DCC: variants seen among roughly 807,000 people sequenced by gnomAD.
DCC encodes DCC netrin 1 receptor.
A neutral mutation model predicts 172.5 loss-of-function variants in DCC; 58 were observed. That is an observed-to-expected ratio of 0.34 (90% CI 0.27 to 0.42). The LOEUF is 0.42. DCC is among the 10% of genes least tolerant of loss of function. The pLI is 1.00. For synonymous variants in DCC, 709 were observed against 644.5 expected, an observed-to-expected ratio of 1.10 and a Z score of -1.52; for missense variants, 1,740 against 1,791.0, an observed-to-expected ratio of 0.97 and a Z score of 0.51.
chr18:53,113,326 A>C (rs2043362589), intron 7 of DCC, among the ~76,000 whole-genome samples: 1 of 151,478 alleles, frequency 6.6e-6, no homozygotes, highest in Non-Finnish European at 1.5e-5. Context: ...ATAATTTATT[A>C]ATTCGATTTC....
chr18:52,774,155 G>A (rs974992412), intron 2 of DCC, among the ~76,000 whole-genome samples: 2 of 152,180 alleles, frequency 1.3e-5, no homozygotes, highest in Admixed American at 6.5e-5. Context: ...CATCATCTGG[G>A]AACTTGTTAA....
chr18:53,384,235 A>G (rs1907975982), intron 15 of DCC, among the ~76,000 whole-genome samples: 1 of 152,164 alleles, frequency 6.6e-6, no homozygotes, highest in African/African-American at 2.4e-5. Flanking sequence ...TTTGTTGACT[A>G]TAAAACTTTG....
intron 15 of DCC, among the ~76,000 whole-genome samples, chr18:53,347,512 G>A (rs1403644620): frequency 4.6e-5 from 7 of 152,138 alleles, no homozygotes; most frequent in Admixed American, 4.6e-4. Context: ...ATAAAAATAA[G>A]ATGACTTCCT....
At chr18:52,637,265 T>C (rs2034800001) in intron 1 of DCC, among the ~76,000 whole-genome samples, 1 of 152,106 alleles carries the variant, frequency 6.6e-6, no homozygotes, top group East Asian at 1.9e-4. Context: ...AAGGCTCTTC[T>C]ACACCACCAA....
chr18:53,166,618 G>A lies in DCC; in HGVS notation c.1418+9106G>A, dbSNP rs187076327. Among the ~76,000 whole-genome samples the A allele has an allele frequency of 1.4e-4, 22 of 152,266 alleles. No homozygotes were observed. In the Middle Eastern group the frequency reaches 0.01, roughly 71 times the overall value. On this transcript the variant is annotated intron_variant, in intron 8 of 28. Coordinates refer to ENST00000442544, the MANE Select transcript of DCC (RefSeq NM_005215.4). ...TGCAGTTACAGTAGCCATTTGTTAC[G>A]TAACTAGTCTCAAGTGTGTATTAGA...
chr18:52,622,389 C>A lies in DCC; in HGVS notation c.92-129665C>A, dbSNP rs144613229. ...TTAAATCACAGATTTCTGGCCCATA[C>A]CCCAAATATTTTAGTTCGGTAGTCC... On this transcript the variant is annotated intron_variant, in intron 1 of 28. Transcript: ENST00000442544. Among the ~76,000 whole-genome samples the A allele has an allele frequency of 1.4e-3, 215 of 152,266 alleles. 1 individual carries two copies. The East Asian group carries it at 0.041, about 29-fold the overall frequency.
chr18:52,882,381 G>GTTAT (rs149251196), intron 2 of DCC, among the ~76,000 whole-genome samples: 2,603 of 151,070 alleles, frequency 0.017, 56 homozygotes, highest in African/African-American at 0.046. Context: ...GCATTATTAG[G>GTTAT]TTATTTGAAG....
At chr18:53,334,827 A>G (rs933164960) in intron 14 of DCC, among the ~76,000 whole-genome samples, 1 of 152,174 alleles carries the variant, frequency 6.6e-6, no homozygotes, top group African/African-American at 2.4e-5. Flanking sequence ...TTAAAAATGC[A>G]TTTATACATT....
chr18:52,854,913 C>A (rs1749576512), intron 2 of DCC, among the ~76,000 whole-genome samples: 1 of 152,204 alleles, frequency 6.6e-6, no homozygotes. Context: ...TTGGCCCCCA[C>A]AGGAATGAGA....
chr18:52,598,247 C>A (rs551676350), intron 1 of DCC, among the ~76,000 whole-genome samples: 81 of 152,156 alleles, frequency 5.3e-4, no homozygotes, highest in Non-Finnish European at 1.0e-3. Context: ...ATACTAAATA[C>A]CGAGGTTAAG....
In DCC at chr18:53,043,710, C is replaced by A. The variant is rs936247795; in HGVS notation, c.986-19595C>A. ...ACTTTAAGAGGGAAATGTGACATCA[C>A]TGAATGGCAAAGTTGTGTTTTAGAT... On this transcript the variant is annotated intron_variant, in intron 5 of 28. Transcript: ENST00000442544. Among the ~76,000 whole-genome samples, 20 of 152,024 alleles carry A rather than the reference C, an allele frequency of 1.3e-4. No individual in the cohort carries two copies. The East Asian group carries it at 3.9e-3, about 30-fold the overall frequency.
rs184281772 is a variant in DCC at position 52,395,492 on chromosome 18, C to T, written c.91+54614C>T. ...TTTTAAACAGCTTCGGGGTTGGTAA[C>T]AGGAGTCCCTTGGTCCCTTCAGGGA... is the stretch of plus-strand genomic sequence containing the variant. On this transcript the variant is annotated intron_variant, in intron 1 of 28. Transcript: ENST00000442544. 6.6e-5 allele frequency among the ~76,000 whole-genome samples: 10 copies of T among 152,048 alleles called. No homozygotes were observed. The East Asian group carries it at 1.7e-3, about 27-fold the overall frequency.
intron 5 of DCC, among the ~76,000 whole-genome samples, chr18:52,957,708 T>A (rs193094704): frequency 4.8e-4 from 73 of 152,208 alleles, no homozygotes; most frequent in Non-Finnish European, 9.1e-4. Flanking sequence ...CAGGGCAAGA[T>A]CTGTGGGAAT....
intron 18 of DCC, among the ~76,000 whole-genome samples, chr18:53,398,580 TA>T (rs1199213543): frequency 6.6e-6 from 1 of 152,156 alleles, no homozygotes; most frequent in Non-Finnish European, 1.5e-5. Flanking sequence ...TGAATGTAGA[TA>T]AATGTGAAAT....
At chr18:53,472,028 A>G (rs2045703083) in intron 25 of DCC, among the ~76,000 whole-genome samples, 1 of 152,162 alleles carries the variant, frequency 6.6e-6, no homozygotes, top group South Asian at 2.1e-4. Flanking sequence ...ACTCAATACC[A>G]TTTAGTCAAA....
intron 1 of DCC, among the ~76,000 whole-genome samples, chr18:52,714,779 C>G (rs1475824880): frequency 6.6e-6 from 1 of 152,208 alleles, no homozygotes; most frequent in Non-Finnish European, 1.5e-5. Flanking sequence ...TATCCTCTCT[C>G]TCTCTCTGAC....
At position 52,470,388 on chromosome 18, in the gene DCC, C is replaced by T. The variant is rs77400019; in HGVS notation, c.91+129510C>T. Among the ~76,000 whole-genome samples the T allele has an allele frequency of 1.3e-3, 193 of 152,216 alleles. 5 individuals carry two copies. In the East Asian group the frequency reaches 0.033, roughly 26 times the overall value. On this transcript the variant is annotated intron_variant, in intron 1 of 28. Transcript: ENST00000442544. The stretch of plus-strand genomic sequence containing the variant: ...ATTGTGAACATTTTCCCTGCAAGAC[C>T]TAGAATGTACCTGACAGCATTCACC...
At chr18:52,980,271 G>A (rs536991380) in intron 5 of DCC, among the ~76,000 whole-genome samples, 1 of 152,214 alleles carries the variant, frequency 6.6e-6, no homozygotes, top group Non-Finnish European at 1.5e-5. Context: ...GCAATGCATT[G>A]AATTTTATTT....
chr18:53,203,215 G>GTA (rs1294267151), intron 9 of DCC, among the ~76,000 whole-genome samples: 1 of 151,224 alleles, frequency 6.6e-6, no homozygotes, highest in African/African-American at 2.4e-5. Context: ...GTGTGTGTGT[G>GTA]TGTGTGTGTG....
Sources: gnomAD v4.1 joint callset for allele counts (sites outside exome capture counted in the v4.1 genomes callset) on GRCh38, gnomAD v4.1.1 for gene constraint, MANE v1.5 for transcripts, NCBI Gene and HGNC (gene_info 2026-07-23, HGNC 2026-07-21) for gene names.